The following CYP2C19 variants were observed in gnomAD, a reference collection of about 807,000 sequenced individuals.
CYP2C19 encodes cytochrome P450 family 2 subfamily C member 19, also known as cytochrome P450 2C19.
In CYP2C19, 59 loss-of-function variants were observed where a neutral mutation model predicts 40.9. The ratio of observed to expected loss-of-function variants is 1.44; its 90% CI spans 1.17 to 1.79. CYP2C19 has a LOEUF of 1.79. Among genes scored for constraint, CYP2C19 ranks in the 40% most tolerant of loss-of-function variants. The pLI is 0.00. For synonymous variants in CYP2C19, 253 were observed against 208.7 expected, an observed-to-expected ratio of 1.21 and a Z score of -1.83; for missense variants, 754 against 596.9, an observed-to-expected ratio of 1.26 and a Z score of -2.74.
chr10:94,850,227 C>T (rs17885567), intron 8 of CYP2C19, among the ~76,000 whole-genome samples, 169 bp downstream of exon 8: 2,298 of 152,184 alleles, frequency 0.015, 70 homozygotes, highest in African/African-American at 0.054. Context: ...CCTCATTATT[C>T]GGCCAGATTA....
intron 6 of CYP2C19, among the ~76,000 whole-genome samples, chr10:94,840,983 A>G (rs571703197): frequency 1.1e-4 from 16 of 152,318 alleles, no homozygotes; most frequent in East Asian, 1.9e-4. Context: ...ACCGCTTTGG[A>G]TGTCCCTTTG....
At chr10:94,805,452 CA>C (rs1848819415) in intron 5 of CYP2C19, among the ~76,000 whole-genome samples, 1 of 152,054 alleles carries the variant, frequency 6.6e-6, no homozygotes, top group Admixed American at 6.6e-5. Flanking sequence ...GCAAAATACA[CA>C]AAAAAGTTTC....
At chr10:94,837,888 C>T (rs572716197) in intron 6 of CYP2C19, among the ~76,000 whole-genome samples, 1 of 152,290 alleles carries the variant, frequency 6.6e-6, no homozygotes, top group African/African-American at 2.4e-5. Flanking sequence ...AGTGGATTCC[C>T]TTGACATAAG....
chr10:94,836,652 G>A (rs1029843316), intron 6 of CYP2C19, among the ~76,000 whole-genome samples: 4 of 152,212 alleles, frequency 2.6e-5, no homozygotes, highest in African/African-American at 4.8e-5. Context: ...GTTTTGGGAT[G>A]AGGATAAGCC....
rs138737125 is a variant in CYP2C19, at chr10:94,854,081, C to T, written c.*1167C>T. 3.0e-3 allele frequency among the ~76,000 whole-genome samples: 449 copies of T among 148,608 alleles called. 2 individuals are homozygous for T. Among genetic ancestry groups the T allele is most frequent in the African/African-American group, 9.4e-3 (377 of 40,170 alleles). On this transcript the variant is annotated 3_prime_UTR_variant, in exon 9 of 9. Coordinates refer to ENST00000371321, the MANE Select transcript of CYP2C19 (RefSeq NM_000769.4). ...TTCCCCAGGCTGGAGTGCAATGGTG[C>T]GATCTCGGCTCACTGCAATCTCCAC...
At chr10:94,847,024 C>T (rs1472259442) in intron 7 of CYP2C19, among the ~76,000 whole-genome samples, 1 of 151,954 alleles carries the variant, frequency 6.6e-6, no homozygotes. Flanking sequence ...AATAGACACT[C>T]TGGCCATTTC....
chr10:94,842,846 A>G lies in CYP2C19; in HGVS notation c.971A>G (p.Gln324Arg), dbSNP rs1387059835. 1.2e-6 allele frequency: 2 copies of G among 1,614,186 alleles called. No individual in the cohort carries two copies. The highest frequency in any genetic ancestry group is 1.1e-5 in the South Asian group (1 of 91,088). ...ACTTGTGTCTTGTCAGCTAAAGTCCAGGAAGAGATTGAACGTGTCATTGGC... is the reference window on the plus strand; with the variant it reads ...ACTTGTGTCTTGTCAGCTAAAGTCCGGGAAGAGATTGAACGTGTCATTGGC... Reference protein sequence around the residue: ...LKHPEVTAKVQEEIERVIGRN... With the variant: ...LKHPEVTAKVREEIERVIGRN... Residue 324 changes from glutamine to arginine, a missense_variant, in exon 7 of 9, where the codon CAG becomes CGG. By Grantham distance (43) the Gln-to-Arg change is conservative (BLOSUM62 1). Transcript: ENST00000371321.
intron 5 of CYP2C19, among the ~76,000 whole-genome samples, chr10:94,817,105 G>A (rs907907142): frequency 6.9e-6 from 1 of 145,368 alleles, no homozygotes; most frequent in Admixed American, 7.0e-5. Flanking sequence ...GTAATGGGAT[G>A]GCTGGGTCAA....
chr10:94,818,781 A>G (rs1849058727), intron 5 of CYP2C19, among the ~76,000 whole-genome samples: 1 of 150,322 alleles, frequency 6.7e-6, no homozygotes. Flanking sequence ...CAGCTTAAGG[A>G]GATTTTGGGC....
chr10:94,821,924 C>T (rs1264470688), intron 6 of CYP2C19, among the ~76,000 whole-genome samples: 1 of 152,030 alleles, frequency 6.6e-6, no homozygotes, highest in Non-Finnish European at 1.5e-5. Flanking sequence ...GATGGTTCTC[C>T]AACCCACATC....
chr10:94,835,938 A>C (rs1417862193), intron 6 of CYP2C19, among the ~76,000 whole-genome samples: 1 of 152,184 alleles, frequency 6.6e-6, no homozygotes, highest in African/African-American at 2.4e-5. Flanking sequence ...CTACAACGGA[A>C]CTTCCATCAG....
At chr10:94,815,257 G>A (rs557934766) in intron 5 of CYP2C19, among the ~76,000 whole-genome samples, 2 of 152,052 alleles carry the variant, frequency 1.3e-5, no homozygotes, top group Admixed American at 6.6e-5. Context: ...GGAGAGGACT[G>A]TCTTTGTCTA....
intron 6 of CYP2C19, among the ~76,000 whole-genome samples, chr10:94,829,143 T>C (rs1849284438): frequency 6.6e-6 from 1 of 152,164 alleles, no homozygotes; most frequent in South Asian, 2.1e-4. Flanking sequence ...TTATGTGTCT[T>C]GGAGTTGCTC....
At chr10:94,797,307 T>C (rs1250160090) in intron 5 of CYP2C19, among the ~76,000 whole-genome samples, 3 of 152,280 alleles carry the variant, frequency 2.0e-5, no homozygotes, top group East Asian at 3.9e-4. Flanking sequence ...TTGATTTGCA[T>C]ATGTTGAACC....
intron 6 of CYP2C19, among the ~76,000 whole-genome samples, chr10:94,841,211 C>T (rs1036233068): frequency 4.6e-5 from 7 of 152,132 alleles, no homozygotes; most frequent in East Asian, 1.9e-4. Flanking sequence ...GGAAGAGAAC[C>T]GTGGAACCCG....
chr10:94,849,052 A>G (rs1252915378), intron 7 of CYP2C19, among the ~76,000 whole-genome samples: 3 of 152,108 alleles, frequency 2.0e-5, no homozygotes, highest in East Asian at 1.9e-4. Flanking sequence ...ATCTTTTCCT[A>G]ATTGAATGCC....
At chr10:94,783,063 C>A (rs1848499460) in intron 5 of CYP2C19, among the ~76,000 whole-genome samples, 1 of 152,050 alleles carries the variant, frequency 6.6e-6, no homozygotes, top group South Asian at 2.1e-4. Context: ...ACCTATTTAA[C>A]AATCCTGCAC....
At chr10:94,776,350 A>G (rs1848408295) in intron 3 of CYP2C19, 2 of 152,120 alleles carry the variant, frequency 1.3e-5, no homozygotes, top group South Asian at 4.1e-4. Flanking sequence ...ATATTTATGA[A>G]ATTTTGGCTT....
At chr10:94,827,753 G>A (rs1264765132) in intron 6 of CYP2C19, among the ~76,000 whole-genome samples, 1 of 152,252 alleles carries the variant, frequency 6.6e-6, no homozygotes, top group East Asian at 1.9e-4. Context: ...TAATTGTGAT[G>A]TTAGGGTGTC....
Sources: allele counts gnomAD v4.1 joint callset (sites outside exome capture counted in the v4.1 genomes callset), GRCh38; gene constraint gnomAD v4.1.1; transcripts MANE v1.5; gene names NCBI Gene and HGNC (gene_info 2026-07-23, HGNC 2026-07-21).